The following TTC7B variants were observed in gnomAD, a reference collection of about 807,000 sequenced individuals.
The protein encoded by TTC7B is tetratricopeptide repeat protein 7B.
A neutral mutation model predicts 106.8 loss-of-function variants in TTC7B; 28 were observed. The observed-to-expected ratio is 0.26, with a 90% confidence interval of 0.19 to 0.36. The LOEUF is 0.36. TTC7B is among the 10% of genes least tolerant of loss of function. TTC7B has a pLI of 1.00. For missense variants in TTC7B, 862 were observed against 1,076.4 expected, an observed-to-expected ratio of 0.80 and a Z score of 2.79; for synonymous variants, 405 against 430.6, an observed-to-expected ratio of 0.94 and a Z score of 0.74.
chr14:90,541,571 G>C lies in TTC7B; in HGVS notation c.2329C>G (p.Leu777Val), dbSNP rs11626925. 1.3e-6 allele frequency: 2 copies of C among 1,599,930 alleles called. No individual in the cohort carries two copies. The highest frequency in any genetic ancestry group is 1.7e-6 in the Non-Finnish European group (2 of 1,169,996). The change falls in exon 20 of 20, where the codon CTA (leucine) becomes GTA (valine). Residue 777 changes from leucine to valine, a missense_variant. By Grantham distance (32) the Leu-to-Val change is conservative. Coordinates refer to ENST00000328459, the MANE Select transcript of TTC7B (RefSeq NM_001010854.2). ...TTCTCCGCCAGACTGTAGCGGCCTAGCTGGTGAAGGATCAGGGCCTGGAGA... is the reference window on the plus strand; with the variant it reads ...TTCTCCGCCAGACTGTAGCGGCCTACCTGGTGAAGGATCAGGGCCTGGAGA... Reference protein sequence around the residue: ...MQRLALILHQLGRYSLAEKIL... With the variant: ...MQRLALILHQVGRYSLAEKIL...
At chr14:90,634,452 A>AG (rs1884840968) in intron 15 of TTC7B, among the ~76,000 whole-genome samples, 1 of 152,092 alleles carries the variant, frequency 6.6e-6, no homozygotes, top group Non-Finnish European at 1.5e-5. Context: ...TAAAAAAAAA[A>AG]AGACCTATCT....
chr14:90,710,822 A>C (rs1888416547), intron 5 of TTC7B, among the ~76,000 whole-genome samples: 2 of 152,248 alleles, frequency 1.3e-5, no homozygotes, highest in Non-Finnish European at 2.9e-5. Flanking sequence ...AATACAGTAT[A>C]GTGTAAATAT....
At chr14:90,592,353 T>C (rs984567047) in intron 18 of TTC7B, among the ~76,000 whole-genome samples, 1 of 152,176 alleles carries the variant, frequency 6.6e-6, no homozygotes, top group Non-Finnish European at 1.5e-5. Context: ...AATATAAATA[T>C]GTAAGTAAAT....
intron 5 of TTC7B, among the ~76,000 whole-genome samples, chr14:90,712,343 A>G (rs1196711057): frequency 6.6e-6 from 1 of 152,222 alleles, no homozygotes; most frequent in Non-Finnish European, 1.5e-5. Flanking sequence ...AACAGAAAAA[A>G]GTAAAATTGT....
intron 1 of TTC7B, among the ~76,000 whole-genome samples, chr14:90,806,985 G>A (rs1291918730): frequency 6.6e-6 from 1 of 152,128 alleles, no homozygotes; most frequent in Non-Finnish European, 1.5e-5. Flanking sequence ...TGACAGAACC[G>A]AGATCTGAAC....
intron 5 of TTC7B, among the ~76,000 whole-genome samples, chr14:90,696,193 G>A (rs971412551): frequency 6.6e-6 from 1 of 152,168 alleles, no homozygotes; most frequent in Non-Finnish European, 1.5e-5. Flanking sequence ...CTCCCTGAGT[G>A]TGAGCAGAGC....
At position 90,546,083 on chromosome 14, in the gene TTC7B, T is replaced by G. The variant is rs553709739; in HGVS notation, c.2311-4494A>C. Among the ~76,000 whole-genome samples the G allele has an allele frequency of 4.6e-5, 7 of 152,334 alleles. 1 individual carries two copies. Among genetic ancestry groups the G allele is most frequent in the African/African-American group, 1.4e-4 (6 of 41,584 alleles). ...GAATGAAAAATAGGCCTCTCCCCAGTGAGCCAGGAGCAGCTCAGAAATCAG... is the reference window on the plus strand; with the variant it reads ...GAATGAAAAATAGGCCTCTCCCCAGGGAGCCAGGAGCAGCTCAGAAATCAG... On this transcript the variant is annotated intron_variant, in intron 19 of 19. Transcript: ENST00000328459.
At chr14:90,552,298 C>A (rs1890119122) in intron 19 of TTC7B, among the ~76,000 whole-genome samples, 1 of 152,240 alleles carries the variant, frequency 6.6e-6, no homozygotes, top group Non-Finnish European at 1.5e-5. Flanking sequence ...GGCAGGCCCA[C>A]CTTCCTGTCA....
chr14:90,784,097 C>T (rs1891302109), intron 2 of TTC7B, among the ~76,000 whole-genome samples: 1 of 152,152 alleles, frequency 6.6e-6, no homozygotes, highest in African/African-American at 2.4e-5. Context: ...TCTCTCCCCT[C>T]ACACCTCCCA....
intron 10 of TTC7B, 137 bp downstream of exon 10, chr14:90,658,167 G>A (rs1886028424): frequency 2.7e-6 from 2 of 729,408 alleles, no homozygotes; most frequent in South Asian, 3.4e-5. Flanking sequence ...TGTTCACTGA[G>A]AACGGACCAC....
At chr14:90,756,892 T>C (rs931981376) in intron 3 of TTC7B, among the ~76,000 whole-genome samples, 2 of 152,076 alleles carry the variant, frequency 1.3e-5, no homozygotes, top group South Asian at 2.1e-4. Context: ...ACATTAAATA[T>C]GAATATGGGT....
At chr14:90,691,254 A>T (rs1043056980) in intron 6 of TTC7B, among the ~76,000 whole-genome samples, 1 of 152,276 alleles carries the variant, frequency 6.6e-6, no homozygotes, top group South Asian at 2.1e-4. Context: ...AGTTGTAAAA[A>T]TTTCTGCCCT....
At chr14:90,554,551 G>C (rs1228075849) in intron 19 of TTC7B, among the ~76,000 whole-genome samples, 1 of 152,172 alleles carries the variant, frequency 6.6e-6, no homozygotes, top group Non-Finnish European at 1.5e-5. Context: ...GCTGTGCCAG[G>C]TGCGGGGAAC....
At chr14:90,661,272 G>A (rs1886193802) in intron 9 of TTC7B, among the ~76,000 whole-genome samples, 1 of 152,194 alleles carries the variant, frequency 6.6e-6, no homozygotes, top group Admixed American at 6.5e-5. Context: ...CGGACACCAA[G>A]CAGCAGACCT....
rs1893166358 is a variant in TTC7B, at chr14:90,618,165, T to G, written c.1752-120A>C. On this transcript the variant is annotated intron_variant, in intron 15 of 19. Coordinates refer to ENST00000328459, the MANE Select transcript of TTC7B (RefSeq NM_001010854.2). ...CTGTACTCATTTCAGAAAGGGAACATCCACATGTGTGGTCCAAGGAAAGCG... is the reference window on the plus strand; with the variant it reads ...CTGTACTCATTTCAGAAAGGGAACAGCCACATGTGTGGTCCAAGGAAAGCG... 4.4e-6 allele frequency: 3 copies of G among 680,628 alleles called. No individual in the cohort carries two copies. The East Asian group carries it at 8.2e-5, about 19-fold the overall frequency. 42.2% of individuals were successfully genotyped at this position (680,628 alleles called of 1,614,324 possible).
At chr14:90,637,373 A>G (rs1039127975) in intron 15 of TTC7B, among the ~76,000 whole-genome samples, 1 of 143,872 alleles carries the variant, frequency 7.0e-6, no homozygotes, top group African/African-American at 2.6e-5. Flanking sequence ...ATTATTTTTA[A>G]AAAGCATCAG....
At chr14:90,542,303 C>A (rs1360129239) in intron 19 of TTC7B, among the ~76,000 whole-genome samples, 1 of 152,096 alleles carries the variant, frequency 6.6e-6, no homozygotes, top group African/African-American at 2.4e-5. Flanking sequence ...ATGATGACGA[C>A]AGTTTTTACA....
Position 90,646,627 on chromosome 14 carries a change from G to C in TTC7B, c.1590+324C>G, listed in dbSNP as rs555762398. On this transcript the variant is annotated intron_variant, in intron 14 of 19. Coordinates refer to ENST00000328459, the MANE Select transcript of TTC7B (RefSeq NM_001010854.2). ...CTGCTACCTGGTTCCTGTTGGCAAGGGACAGAGGCTCTTTGATGACTCCTG... is the reference window on the plus strand; with the variant it reads ...CTGCTACCTGGTTCCTGTTGGCAAGCGACAGAGGCTCTTTGATGACTCCTG... The C allele has an allele frequency of 1.5e-3, 397 of 270,816 alleles. 3 individuals carry two copies. Among genetic ancestry groups the C allele is most frequent in the Admixed American group, 5.0e-3 (116 of 23,036 alleles). The allele number at this position is 270,816 out of a possible 1,614,324, so 16.8% of individuals were successfully genotyped here. A position where few individuals can be genotyped will look rare whatever the true frequency, so the allele number is the denominator to read the frequency against.
intron 18 of TTC7B, among the ~76,000 whole-genome samples, chr14:90,592,405 T>C (rs768172844): frequency 3.9e-5 from 6 of 152,200 alleles, no homozygotes; most frequent in Non-Finnish European, 8.8e-5. Context: ...AGTGGGATTC[T>C]CGTTATTAAA....
Sources: allele counts gnomAD v4.1 joint callset (sites outside exome capture counted in the v4.1 genomes callset), GRCh38; gene constraint gnomAD v4.1.1; transcripts MANE v1.5; gene names NCBI Gene and HGNC (gene_info 2026-07-23, HGNC 2026-07-21).